Variants in LINGO2 observed in about 807,000 individuals in gnomAD.
LINGO2 encodes leucine rich repeat and Ig domain containing 2.
Under a neutral mutation model 30.6 loss-of-function variants are expected in LINGO2, and 14 were observed. That is an observed-to-expected ratio of 0.46 (90% CI 0.30 to 0.72). The LOEUF (loss-of-function observed/expected upper bound fraction) is 0.72, where lower values mean the gene tolerates loss of function less well. Ranked by LOEUF, LINGO2 falls within the 30% of genes least tolerant of loss-of-function variation. The pLI, the probability that LINGO2 is intolerant of heterozygous loss-of-function variation, is 0.07. For missense variants in LINGO2, 729 were observed against 751.7 expected, an observed-to-expected ratio of 0.97 and a Z score of 0.35; for synonymous variants, 317 against 288.5, an observed-to-expected ratio of 1.10 and a Z score of -1.00.
rs986578040 is a variant in LINGO2 at position 28,269,582 on chromosome 9, T to C, written c.-87+25626A>G. Among the ~76,000 whole-genome samples the C allele has an allele frequency of 2.6e-5, 4 of 152,226 alleles. No homozygotes were observed. In the East Asian group the frequency reaches 5.8e-4, roughly 22 times the overall value. On this transcript the variant is annotated intron_variant, in intron 4 of 5. Coordinates refer to ENST00000379992, the Ensembl canonical transcript of LINGO2. ...ACAGAGTAGCATTTCTCAAGCTTTA[T>C]ACTATGACCTTAAGTTTCACAGCAA...
intron 4 of LINGO2, among the ~76,000 whole-genome samples, chr9:28,091,394 C>T (rs1198443052): frequency 6.6e-6 from 1 of 152,022 alleles, no homozygotes. Flanking sequence ...AGAAATAATA[C>T]CACACATCTA....
At chr9:29,048,185 G>C in the LINGO2 span, among the ~76,000 whole-genome samples, 177 of 151,560 alleles carry the variant, frequency 1.2e-3, no homozygotes, top group African/African-American at 4.1e-3. Flanking sequence ...TGAAAAATGT[G>C]AAAAAGAAAT....
At chr9:28,314,235 A>G in intron 3 of LINGO2, among the ~76,000 whole-genome samples, 2 of 152,122 alleles carry the variant, frequency 1.3e-5, no homozygotes, top group East Asian at 3.9e-4. Context: ...CGCCCGGCCG[A>G]GAATTGATTT....
intron 1 of LINGO2, among the ~76,000 whole-genome samples, chr9:28,645,781 A>G (rs1030192393): frequency 1.3e-5 from 2 of 152,138 alleles, no homozygotes; most frequent in Non-Finnish European, 2.9e-5. Context: ...TCAAGTTATC[A>G]GGTAAAGAGT....
the LINGO2 span, among the ~76,000 whole-genome samples, chr9:29,021,867 G>T: frequency 3.2e-4 from 48 of 151,908 alleles, 1 homozygote; most frequent in South Asian, 7.7e-3. Flanking sequence ...TCTTAATATG[G>T]ATCACATTTC....
chr9:28,694,251 T>C, the LINGO2 span, among the ~76,000 whole-genome samples: 5 of 151,908 alleles, frequency 3.3e-5, no homozygotes, highest in South Asian at 2.1e-4. Context: ...TATTAAAATA[T>C]AGTAGACAAA....
chr9:29,193,374 C>T, the LINGO2 span, among the ~76,000 whole-genome samples: 1 of 152,014 alleles, frequency 6.6e-6, no homozygotes, highest in African/African-American at 2.4e-5. Flanking sequence ...CCACTCAGTC[C>T]CATCATAGGC....
intron 1 of LINGO2, among the ~76,000 whole-genome samples, chr9:28,531,455 G>A (rs1416639657): frequency 6.6e-6 from 1 of 151,778 alleles, no homozygotes. Flanking sequence ...TTCTAGTTAT[G>A]TTTAACAATT....
chr9:27,940,171 T>A, the LINGO2 span: 2 of 152,142 alleles, frequency 1.3e-5, no homozygotes, highest in Non-Finnish European at 2.9e-5. Flanking sequence ...CCCCAGATGG[T>A]TCTTAGTAAT....
At chr9:28,632,740 T>TATAGAGATC (rs1563878602) in intron 1 of LINGO2, among the ~76,000 whole-genome samples, 1 of 134,472 alleles carries the variant, frequency 7.4e-6, no homozygotes, top group African/African-American at 2.8e-5. Context: ...ATCTATATAT[T>TATAGAGATC]TATATATAGA....
At chr9:28,116,939 T>C (rs2133378222) in intron 4 of LINGO2, among the ~76,000 whole-genome samples, 1 of 91,062 alleles carries the variant, frequency 1.1e-5, no homozygotes, top group East Asian at 3.2e-4. Context: ...TCCAGCTTTG[T>C]TCTGTTGCTG....
At chr9:28,877,093 G>GGGTTGT in the LINGO2 span, among the ~76,000 whole-genome samples, 2 of 144,864 alleles carry the variant, frequency 1.4e-5, no homozygotes, top group Non-Finnish European at 3.0e-5. Flanking sequence ...CTTTTTGATG[G>GGGTTGT]GGTTGTGTTT....
chr9:28,944,881 T>G, the LINGO2 span, among the ~76,000 whole-genome samples: 1 of 152,102 alleles, frequency 6.6e-6, no homozygotes, highest in East Asian at 1.9e-4. Context: ...CTGAAACCTG[T>G]TTTTCAGAAA....
At chr9:28,001,349 A>G (rs1262025192) in intron 5 of LINGO2, among the ~76,000 whole-genome samples, 1 of 152,196 alleles carries the variant, frequency 6.6e-6, no homozygotes, top group East Asian at 1.9e-4. Flanking sequence ...ATGTAACAGA[A>G]TCATCGACTT....
At chr9:28,947,898 C>T in the LINGO2 span, among the ~76,000 whole-genome samples, 2 of 151,966 alleles carry the variant, frequency 1.3e-5, no homozygotes, top group African/African-American at 4.8e-5. Flanking sequence ...ATCTTGAAAC[C>T]ATCTCCAGTG....
chr9:28,670,408 C>A (rs1246476110), upstream of LINGO2: 1 of 152,000 alleles, frequency 6.6e-6, no homozygotes, highest in Non-Finnish European at 1.5e-5. Flanking sequence ...CTATATATTG[C>A]TGTTATAATA....
At chr9:27,939,466 T>C in the LINGO2 span, 1 of 152,216 alleles carries the variant, frequency 6.6e-6, no homozygotes, top group Non-Finnish European at 1.5e-5. Flanking sequence ...TCTCCAGGTG[T>C]TGCTAAAACA....
chr9:29,130,061 T>A, the LINGO2 span, among the ~76,000 whole-genome samples: 2 of 152,114 alleles, frequency 1.3e-5, no homozygotes. Flanking sequence ...TAGGAAAATC[T>A]AAAGGTTTGA....
chr9:28,565,226 C>A (rs537095059), intron 1 of LINGO2, among the ~76,000 whole-genome samples: 1 of 152,114 alleles, frequency 6.6e-6, no homozygotes. Context: ...CTCACTCTGT[C>A]GCCCAGGCTG....
Sources: gnomAD v4.1 joint callset for allele counts (sites outside exome capture counted in the v4.1 genomes callset) on GRCh38, gnomAD v4.1.1 for gene constraint, MANE v1.5 for transcripts, NCBI Gene and HGNC (gene_info 2026-07-23, HGNC 2026-07-21) for gene names.